The following KCNH1 variants were observed in gnomAD, a reference collection of about 807,000 sequenced individuals.
KCNH1 encodes potassium voltage-gated channel subfamily H member 1.
Under a neutral mutation model 69.2 loss-of-function variants are expected in KCNH1, and 27 were observed. The ratio of observed to expected loss-of-function variants is 0.39; its 90% CI spans 0.29 to 0.54. The LOEUF (loss-of-function observed/expected upper bound fraction) is 0.54, where lower values mean the gene tolerates loss of function less well. KCNH1 is among the 20% of genes least tolerant of loss of function. KCNH1 has a pLI of 0.68. For synonymous variants in KCNH1, 456 were observed against 487.7 expected (o/e 0.93, Z 0.86); for missense variants, 798 against 1,261.6 (o/e 0.63, Z 5.57).
chr1:211,114,430 GGAA>G (rs1013424947), intron 1 of KCNH1, among the ~76,000 whole-genome samples: 3 of 152,142 alleles, frequency 2.0e-5, no homozygotes, highest in African/African-American at 7.2e-5. Flanking sequence ...ATGGCAAAGG[GGAA>G]GATTAGATCT....
At chr1:211,034,504 G>C (rs1268790254) in intron 5 of KCNH1, among the ~76,000 whole-genome samples, 2 of 152,094 alleles carry the variant, frequency 1.3e-5, no homozygotes. Context: ...TCTGTACCTT[G>C]ACTATATCAA....
chr1:210,903,902 C>G (rs1299263368), intron 7 of KCNH1, among the ~76,000 whole-genome samples: 1 of 152,166 alleles, frequency 6.6e-6, no homozygotes, highest in Non-Finnish European at 1.5e-5. Context: ...TGGCCCCACT[C>G]CAGATGCTCA....
intron 7 of KCNH1, chr1:210,860,867 T>G (rs1380294981): frequency 1.1e-6 from 1 of 919,112 alleles, no homozygotes; most frequent in Admixed American, 1.7e-5. Context: ...CTTGCTCTCA[T>G]GTAGCCTAGT....
At chr1:210,998,359 A>G (rs1195356583) in intron 6 of KCNH1, among the ~76,000 whole-genome samples, 1 of 152,224 alleles carries the variant, frequency 6.6e-6, no homozygotes, top group Non-Finnish European at 1.5e-5. Flanking sequence ...AGGGGTTGCA[A>G]TCCTAGTCTC....
intron 10 of KCNH1, among the ~76,000 whole-genome samples, chr1:210,717,057 A>G (rs1038793902): frequency 2.0e-5 from 3 of 152,190 alleles, no homozygotes; most frequent in Admixed American, 1.3e-4. Context: ...CATACTGATT[A>G]ATTTCTAAAA....
At chr1:211,036,412 T>C (rs1486552033) in intron 5 of KCNH1, among the ~76,000 whole-genome samples, 2 of 152,144 alleles carry the variant, frequency 1.3e-5, no homozygotes, top group Non-Finnish European at 1.5e-5. Flanking sequence ...ATTTCTATGT[T>C]TCTTGAAAAG....
At chr1:210,956,536 G>GTTTT (rs770358496) in intron 6 of KCNH1, among the ~76,000 whole-genome samples, 1 of 122,306 alleles carries the variant, frequency 8.2e-6, no homozygotes, top group Admixed American at 8.2e-5. Flanking sequence ...TGGTCCTGGA[G>GTTTT]TTTTTTTTTT....
At chr1:210,904,726 G>C (rs1304365389) in intron 7 of KCNH1, among the ~76,000 whole-genome samples, 3 of 152,126 alleles carry the variant, frequency 2.0e-5, no homozygotes, top group African/African-American at 4.8e-5. Flanking sequence ...AATAATAAAA[G>C]CAATAACTCC....
chr1:210,734,913 G>C (rs946358489), intron 10 of KCNH1, among the ~76,000 whole-genome samples: 1 of 152,128 alleles, frequency 6.6e-6, no homozygotes, highest in African/African-American at 2.4e-5. Context: ...ATCTAGTTAA[G>C]AAAGTGACCA....
intron 9 of KCNH1, among the ~76,000 whole-genome samples, chr1:210,788,727 C>T (rs1320529615): frequency 1.1e-4 from 12 of 111,658 alleles, no homozygotes; most frequent in African/African-American, 4.5e-4. Context: ...GACGGAGTCT[C>T]GCTCTGTCGC....
At chr1:210,804,209 G>A (rs1232874383) in intron 7 of KCNH1, 43 bp from the exon 8 acceptor site, 1 of 1,528,020 alleles carries the variant, frequency 6.5e-7, no homozygotes, top group East Asian at 2.4e-5. Flanking sequence ...TAACAAGTTA[G>A]TGGTCCCTGA....
At chr1:210,898,760 G>A (rs184192709) in intron 7 of KCNH1, among the ~76,000 whole-genome samples, 1 of 152,040 alleles carries the variant, frequency 6.6e-6, no homozygotes, top group South Asian at 2.1e-4. Flanking sequence ...AGGTCTAAGC[G>A]ACTCCAAAAT....
intron 10 of KCNH1, among the ~76,000 whole-genome samples, chr1:210,723,351 G>T (rs7555360): frequency 0.21 from 32,474 of 151,832 alleles, 4,280 homozygotes; most frequent in African/African-American, 0.38. Context: ...TCAGTCATAG[G>T]CATCCATGGA....
intron 6 of KCNH1, among the ~76,000 whole-genome samples, chr1:210,928,577 G>A (rs1457490666): frequency 2.6e-5 from 4 of 152,136 alleles, no homozygotes; most frequent in Admixed American, 1.3e-4. Context: ...AGTGTTAAGA[G>A]GAAAGTTCAT....
At chr1:210,901,963 T>G (rs1356008313) in intron 7 of KCNH1, among the ~76,000 whole-genome samples, 2 of 152,176 alleles carry the variant, frequency 1.3e-5, no homozygotes, top group Non-Finnish European at 2.9e-5. Context: ...CTGCACAGCT[T>G]CATTCCTTAA....
At chr1:210,713,405 C>T (rs1332177277) in intron 10 of KCNH1, among the ~76,000 whole-genome samples, 4 of 152,160 alleles carry the variant, frequency 2.6e-5, no homozygotes, top group Non-Finnish European at 5.9e-5. Flanking sequence ...TGCAGTTCTG[C>T]TCTGACTTTG....
intron 7 of KCNH1, among the ~76,000 whole-genome samples, chr1:210,851,712 C>T (rs1425949061): frequency 6.6e-6 from 1 of 152,238 alleles, no homozygotes; most frequent in African/African-American, 2.4e-5. Context: ...TCCTAGGCTA[C>T]AAACCTGTAC....
At chr1:211,132,023 T>G (rs1310611580) in intron 1 of KCNH1, among the ~76,000 whole-genome samples, 1 of 152,236 alleles carries the variant, frequency 6.6e-6, no homozygotes, top group African/African-American at 2.4e-5. Context: ...CCAAGATTCT[T>G]AAGGTTCCCT....
chr1:210,811,712 T>G (rs1574271105), intron 7 of KCNH1, among the ~76,000 whole-genome samples: 1 of 152,100 alleles, frequency 6.6e-6, no homozygotes, highest in Non-Finnish European at 1.5e-5. Flanking sequence ...AAGTGAAAAA[T>G]GGTTTCCAAA....
Sources: allele counts gnomAD v4.1 joint callset (sites outside exome capture counted in the v4.1 genomes callset), GRCh38; gene constraint gnomAD v4.1.1; transcripts MANE v1.5; gene names NCBI Gene and HGNC (gene_info 2026-07-23, HGNC 2026-07-21).